The following NYAP2 variants were observed in gnomAD, a reference collection of about 807,000 sequenced individuals.
NYAP2 encodes neuronal tyrosine-phosphorylated phosphoinositide-3-kinase adapter 2.
In NYAP2, 23 loss-of-function variants were observed where a neutral mutation model predicts 50.4. The observed-to-expected ratio is 0.46, with a 90% confidence interval of 0.33 to 0.65. NYAP2 has a LOEUF of 0.65. NYAP2 is among the 30% of genes least tolerant of loss of function. The pLI, the probability that NYAP2 is intolerant of heterozygous loss-of-function variation, is 0.02. For missense variants in NYAP2, 885 were observed against 861.0 expected (o/e 1.03, Z -0.35); for synonymous variants, 394 against 365.2 (o/e 1.08, Z -0.90).
At chr2:225,406,356 C>T (rs1025510389) in intron 2 of NYAP2, among the ~76,000 whole-genome samples, 30 of 151,794 alleles carry the variant, frequency 2.0e-4, no homozygotes, top group African/African-American at 6.0e-4. Flanking sequence ...GAGACTAACA[C>T]GACTGTTGAA....
At chr2:225,458,505 A>G (rs746794815) in intron 3 of NYAP2, among the ~76,000 whole-genome samples, 85 of 152,246 alleles carry the variant, frequency 5.6e-4, no homozygotes, top group Non-Finnish European at 1.0e-4. Context: ...AATAGACTAT[A>G]GCACAGGCTT....
intron 4 of NYAP2, among the ~76,000 whole-genome samples, chr2:225,571,026 G>A (rs150571053): frequency 0.025 from 3,839 of 152,292 alleles, 155 homozygotes; most frequent in African/African-American, 0.087. Flanking sequence ...AATCCAATAG[G>A]GTAGTCATTA....
intron 4 of NYAP2, among the ~76,000 whole-genome samples, chr2:225,572,488 A>T (rs770908615): frequency 6.6e-6 from 1 of 152,224 alleles, no homozygotes; most frequent in Non-Finnish European, 1.5e-5. Flanking sequence ...TCAGACAATT[A>T]TAAAACCATC....
intron 3 of NYAP2, among the ~76,000 whole-genome samples, chr2:225,416,354 G>T (rs1042796564): frequency 4.6e-5 from 7 of 152,134 alleles, no homozygotes; most frequent in Non-Finnish European, 1.0e-4. Flanking sequence ...CTGCAAGGCT[G>T]ATTCTAAATG....
chr2:225,442,867 G>T (rs542299903), intron 3 of NYAP2, among the ~76,000 whole-genome samples: 1 of 152,280 alleles, frequency 6.6e-6, no homozygotes, highest in East Asian at 1.9e-4. Context: ...GTGCGCCACC[G>T]TGCCTGGCCA....
At chr2:225,453,413 G>C (rs938250692) in intron 3 of NYAP2, among the ~76,000 whole-genome samples, 1 of 152,048 alleles carries the variant, frequency 6.6e-6, no homozygotes, top group African/African-American at 2.4e-5. Flanking sequence ...TTTCTTTCAA[G>C]CTTCCCAGTG....
intron 4 of NYAP2, among the ~76,000 whole-genome samples, chr2:225,528,626 T>C (rs1272410014): frequency 1.3e-5 from 2 of 152,188 alleles, no homozygotes; most frequent in African/African-American, 2.4e-5. Flanking sequence ...AGTTTCCTCA[T>C]TGGGAGCTCT....
intron 4 of NYAP2, among the ~76,000 whole-genome samples, chr2:225,565,189 A>C (rs1439335712): frequency 6.6e-6 from 1 of 152,096 alleles, no homozygotes; most frequent in Non-Finnish European, 1.5e-5. Context: ...ATTGTCATGC[A>C]TATGCTGTGA....
At chr2:225,523,345 AC>A (rs1241121203) in intron 4 of NYAP2, among the ~76,000 whole-genome samples, 2 of 151,576 alleles carry the variant, frequency 1.3e-5, no homozygotes, top group Non-Finnish European at 2.9e-5. Context: ...AAAAAAAAAA[AC>A]CTCCCTATAT....
chr2:225,473,194 T>A (rs1179097811), intron 3 of NYAP2, among the ~76,000 whole-genome samples: 2 of 152,154 alleles, frequency 1.3e-5, no homozygotes, highest in Non-Finnish European at 2.9e-5. Context: ...ACATTTTCTT[T>A]ATCCAGTCTA....
At chr2:225,538,810 C>CT (rs1691402113) in intron 4 of NYAP2, among the ~76,000 whole-genome samples, 2 of 70,872 alleles carry the variant, frequency 2.8e-5, no homozygotes, top group Admixed American at 1.4e-4. Context: ...TTCTTTCTTT[C>CT]TTTCTTTCTT....
At chr2:225,564,014 A>G (rs1044516136) in intron 4 of NYAP2, among the ~76,000 whole-genome samples, 3 of 152,134 alleles carry the variant, frequency 2.0e-5, no homozygotes, top group East Asian at 1.9e-4. Flanking sequence ...CTCAGAATCC[A>G]TGTCATCTTG....
At chr2:225,494,751 G>A (rs768521147) in intron 3 of NYAP2, among the ~76,000 whole-genome samples, 6 of 152,138 alleles carry the variant, frequency 3.9e-5, no homozygotes, top group Non-Finnish European at 7.4e-5. Context: ...ATGATGCTTT[G>A]GGGATTGCAG....
chr2:225,456,138 A>G (rs963591570), intron 3 of NYAP2, among the ~76,000 whole-genome samples: 1 of 152,192 alleles, frequency 6.6e-6, no homozygotes, highest in Non-Finnish European at 1.5e-5. Flanking sequence ...ACATTTGCAT[A>G]TGAGTCCACT....
intron 6 of NYAP2, among the ~76,000 whole-genome samples, chr2:225,639,287 A>C (rs1693483405): frequency 6.6e-6 from 1 of 152,226 alleles, no homozygotes; most frequent in African/African-American, 2.4e-5. Flanking sequence ...AGGTTATTGC[A>C]GATTATATAT....
chr2:225,584,112 A>C (rs535477159), intron 5 of NYAP2, among the ~76,000 whole-genome samples: 4 of 152,214 alleles, frequency 2.6e-5, no homozygotes, highest in Non-Finnish European at 5.9e-5. Context: ...GTTGGAAAGA[A>C]AGCAGTTTGA....
At chr2:225,678,670 C>T in the NYAP2 span, among the ~76,000 whole-genome samples, 7 of 152,040 alleles carry the variant, frequency 4.6e-5, no homozygotes, top group African/African-American at 7.2e-5. Flanking sequence ...CTTTCTTGGA[C>T]GTTACATATA....
chr2:225,398,632 G>A (rs1694808282), upstream of NYAP2, among the ~76,000 whole-genome samples: 1 of 151,548 alleles, frequency 6.6e-6, no homozygotes, highest in Non-Finnish European at 1.5e-5. Context: ...GGCAGAGAGA[G>A]AGAGAGAGAG....
At position 225,582,013 on chromosome 2, in the gene NYAP2, C is replaced by T. The variant is rs1391805291; in HGVS notation, c.596C>T (p.Pro199Leu). The T allele has an allele frequency of 1.9e-6, 3 of 1,613,630 alleles. No individual in the cohort carries two copies. The highest frequency in any genetic ancestry group is 1.7e-5 in the Admixed American group (1 of 60,002). ...CCTCCTCCCAAACCGAAGCGAAATC[C>T]GAACACTCAGCTGAGCACATCTTTC... Residue 199 changes from proline (P) to leucine (L), a missense_variant, in exon 5 of 7, where the codon CCG becomes CTG. Pro to Leu is a moderately conservative substitution (Grantham distance 98). Coordinates refer to ENST00000636099, the Ensembl canonical transcript of NYAP2. This position sits in a 1 kb window ranked among gnomAD's most constrained non-coding sequence, Gnocchi z 7.0.
Sources: gnomAD v4.1 joint callset for allele counts (sites outside exome capture counted in the v4.1 genomes callset) on GRCh38, gnomAD v4.1.1 for gene constraint, Gnocchi (gnomAD v3.1) non-coding constraint, MANE v1.5 for transcripts, NCBI Gene and HGNC (gene_info 2026-07-23, HGNC 2026-07-21) for gene names.